Variants in LRRTM4 observed in about 807,000 individuals in gnomAD.
LRRTM4 encodes leucine-rich repeat transmembrane neuronal protein 4.
A neutral mutation model predicts 47.6 loss-of-function variants in LRRTM4; 25 were observed. The ratio of observed to expected loss-of-function variants is 0.53; its 90% confidence interval spans 0.38 to 0.73. The LOEUF (loss-of-function observed/expected upper bound fraction) is 0.73. Ranked by LOEUF, LRRTM4 falls within the 30% of genes least tolerant of loss-of-function variation. LRRTM4 has a pLI of 0.00. For synonymous variants in LRRTM4, 311 were observed against 269.5 expected, an observed-to-expected ratio of 1.15 and a Z score of -1.51; for missense variants, 638 against 713.4, an observed-to-expected ratio of 0.89 and a Z score of 1.20.
intron 3 of LRRTM4, among the ~76,000 whole-genome samples, chr2:76,857,723 G>C (rs112318291): frequency 6.6e-6 from 1 of 152,056 alleles, no homozygotes; most frequent in Non-Finnish European, 1.5e-5. Flanking sequence ...AGTTGTGCCT[G>C]TTTTCTTGGC....
chr2:76,816,953 G>A (rs535516311), intron 3 of LRRTM4, among the ~76,000 whole-genome samples: 1 of 149,206 alleles, frequency 6.7e-6, no homozygotes, highest in East Asian at 2.0e-4. Context: ...GCAGAGTATT[G>A]CAGTCTATAG....
chr2:77,363,121 G>A (rs554800354), intron 3 of LRRTM4, among the ~76,000 whole-genome samples: 4 of 152,146 alleles, frequency 2.6e-5, no homozygotes, highest in Admixed American at 1.3e-4. Flanking sequence ...AGTTTACTTC[G>A]TGAATCCATA....
At chr2:77,338,171 A>G (rs1671234093) in intron 3 of LRRTM4, among the ~76,000 whole-genome samples, 1 of 152,116 alleles carries the variant, frequency 6.6e-6, no homozygotes. Context: ...CATTCTGGCC[A>G]TTGACCTTGA....
chr2:77,332,317 C>A (rs539136965), intron 3 of LRRTM4, among the ~76,000 whole-genome samples: 2 of 152,258 alleles, frequency 1.3e-5, no homozygotes, highest in East Asian at 1.9e-4. Context: ...TATTTTAGAA[C>A]TTCTGGTGAG....
At chr2:77,291,830 C>T (rs145349383) in intron 3 of LRRTM4, among the ~76,000 whole-genome samples, 1 of 151,810 alleles carries the variant, frequency 6.6e-6, no homozygotes, top group Admixed American at 6.6e-5. Flanking sequence ...GCAACAAAAG[C>T]CAAAATTGAA....
chr2:77,224,391 A>G (rs1674740146), intron 3 of LRRTM4, among the ~76,000 whole-genome samples: 2 of 152,220 alleles, frequency 1.3e-5, no homozygotes, highest in Non-Finnish European at 2.9e-5. Flanking sequence ...GCTTCTGCAC[A>G]GCAAAAGAAA....
chr2:77,085,415 G>A (rs763932603), intron 3 of LRRTM4, among the ~76,000 whole-genome samples: 9 of 142,134 alleles, frequency 6.3e-5, no homozygotes, highest in Non-Finnish European at 1.1e-4. Context: ...GATGTTATTT[G>A]TATACTTTTG....
At chr2:77,241,801 C>T (rs1675276347) in intron 3 of LRRTM4, among the ~76,000 whole-genome samples, 2 of 152,100 alleles carry the variant, frequency 1.3e-5, no homozygotes, top group Admixed American at 6.5e-5. Flanking sequence ...AGTTTTAGCA[C>T]TTATGTTTAG....
In LRRTM4 at chr2:77,083,783, C is replaced by CTTTT. The variant is rs386390525; in HGVS notation, c.1552-334871_1552-334868dup. On this transcript the variant is annotated intron_variant, in intron 3 of 3. Coordinates refer to ENST00000409884, the MANE Select transcript of LRRTM4 (RefSeq NM_001134745.3). ...ACTTCTCAATTTTTAACTGGACACACTTTTTTTTTTTTTTTTTTTTTTTTT... is the reference window on the plus strand; with the variant it reads ...ACTTCTCAATTTTTAACTGGACACACTTTTTTTTTTTTTTTTTTTTTTTTTTTTT... Among the ~76,000 whole-genome samples, 201 of 52,388 alleles carry CTTTT rather than the reference C, an allele frequency of 3.8e-3. 45 individuals carry two copies. Among genetic ancestry groups the CTTTT allele is most frequent in the Non-Finnish European group, 6.3e-3 (148 of 23,540 alleles). The allele number at this position is 52,388 out of a possible 152,430, so 34.4% of individuals were successfully genotyped here. A position where few individuals can be genotyped will look rare whatever the true frequency, so the allele number is the denominator to read the frequency against.
intron 3 of LRRTM4, among the ~76,000 whole-genome samples, chr2:77,022,574 G>T (rs1678312298): frequency 6.6e-6 from 1 of 152,164 alleles, no homozygotes; most frequent in South Asian, 2.1e-4. Context: ...CAGATATTAG[G>T]TAAATATAGC....
At chr2:77,306,930 C>A (rs1341639601) in intron 3 of LRRTM4, among the ~76,000 whole-genome samples, 1 of 107,568 alleles carries the variant, frequency 9.3e-6, no homozygotes, top group Non-Finnish European at 1.6e-5. Context: ...GATGGAGTCT[C>A]GCTCTGTCGC....
At chr2:77,426,221 T>C (rs915417743) in intron 3 of LRRTM4, among the ~76,000 whole-genome samples, 12 of 152,168 alleles carry the variant, frequency 7.9e-5, no homozygotes, top group South Asian at 2.1e-4. Flanking sequence ...TCAAGCTCAT[T>C]TACTTCTTAG....
chr2:77,503,675 C>A (rs1263616739), intron 3 of LRRTM4, among the ~76,000 whole-genome samples: 1 of 150,950 alleles, frequency 6.6e-6, no homozygotes, highest in Non-Finnish European at 1.5e-5. Flanking sequence ...GAGAATACCA[C>A]AAGGATGTAG....
chr2:77,432,165 T>A (rs894579551), intron 3 of LRRTM4, among the ~76,000 whole-genome samples: 2 of 152,194 alleles, frequency 1.3e-5, no homozygotes, highest in Non-Finnish European at 2.9e-5. Flanking sequence ...TCTTAAAGCC[T>A]GAGAATAATC....
At chr2:77,320,658 A>G (rs1429831865) in intron 3 of LRRTM4, among the ~76,000 whole-genome samples, 2 of 152,184 alleles carry the variant, frequency 1.3e-5, no homozygotes, top group Non-Finnish European at 2.9e-5. Context: ...ACAAATGTTA[A>G]TAAAGTTATT....
intron 3 of LRRTM4, among the ~76,000 whole-genome samples, chr2:76,924,406 G>T (rs1373189850): frequency 6.6e-6 from 1 of 151,924 alleles, no homozygotes; most frequent in Non-Finnish European, 1.5e-5. Context: ...TTAGAGCCAG[G>T]AGTACAATTT....
At chr2:77,409,456 A>G (rs1674337739) in intron 3 of LRRTM4, among the ~76,000 whole-genome samples, 1 of 152,192 alleles carries the variant, frequency 6.6e-6, no homozygotes, top group African/African-American at 2.4e-5. Flanking sequence ...TCCCATTCAC[A>G]AGGGAAGAGC....
At chr2:77,521,988 T>C in intron 1 of LRRTM4, 121 bp downstream of exon 1, 2 of 667,654 alleles carry the variant, frequency 3.0e-6, no homozygotes, top group South Asian at 3.5e-5. Context: ...AGGACCATTG[T>C]GTAATTCACC....
At chr2:77,516,653 C>T (rs530298487) in intron 3 of LRRTM4, 1 of 981,544 alleles carries the variant, frequency 1.0e-6, no homozygotes, top group Non-Finnish European at 1.2e-6. Flanking sequence ...AAACATCAAG[C>T]CTTGTTAGAC....
Sources: allele counts gnomAD v4.1 joint callset (sites outside exome capture counted in the v4.1 genomes callset), GRCh38; gene constraint gnomAD v4.1.1; transcripts MANE v1.5; gene names NCBI Gene and HGNC (gene_info 2026-07-23, HGNC 2026-07-21).